The following NEBL variants were observed in gnomAD, a reference collection of about 807,000 sequenced individuals.
NEBL encodes LIM and SH3 protein 2.
A neutral mutation model predicts 140.2 loss-of-function variants in NEBL; 122 were observed. The observed-to-expected ratio is 0.87, with a 90% confidence interval of 0.75 to 1.01. NEBL has a LOEUF of 1.01. Ranked by LOEUF, NEBL falls within the 50% of genes least tolerant of loss-of-function variation. NEBL has a pLI of 0.00. For missense variants in NEBL, 1,365 were observed against 1,231.3 expected, an observed-to-expected ratio of 1.11 and a Z score of -1.62; for synonymous variants, 436 against 398.9, an observed-to-expected ratio of 1.09 and a Z score of -1.11.
At chr10:21,190,531 A>C (rs988583824) in intron 3 of NEBL, among the ~76,000 whole-genome samples, 1 of 152,168 alleles carries the variant, frequency 6.6e-6, no homozygotes, top group Non-Finnish European at 1.5e-5. Context: ...TACATCTCTG[A>C]GTAGTTAATA....
intron 13 of NEBL, 78 bp downstream of exon 13, chr10:20,840,661 G>T: frequency 1.0e-6 from 1 of 957,404 alleles, no homozygotes. Context: ...TAGATGTATA[G>T]AACCTTTGAG....
chr10:21,169,066 AAATATATATATATATATATATATAT>A (rs1434929181), intron 2 of NEBL, among the ~76,000 whole-genome samples: 3 of 50,940 alleles, frequency 5.9e-5, no homozygotes, highest in Admixed American at 4.8e-4. Flanking sequence ...AAAAAAAAAA[AAATATATATATATATATATATATAT>A]ATATATATAT....
chr10:21,088,284 T>C (rs1055714744), intron 2 of NEBL, among the ~76,000 whole-genome samples: 3 of 152,220 alleles, frequency 2.0e-5, no homozygotes, highest in Non-Finnish European at 4.4e-5. Context: ...GAGCATCACT[T>C]GAGCCCAGGA....
At chr10:21,251,262 A>G (rs1282850362) in intron 2 of NEBL, among the ~76,000 whole-genome samples, 2 of 152,192 alleles carry the variant, frequency 1.3e-5, no homozygotes, top group East Asian at 1.9e-4. Context: ...AATAAAAAAC[A>G]TAGCTTGTTC....
chr10:21,153,373 T>G (rs1467930189), intron 2 of NEBL, among the ~76,000 whole-genome samples: 1 of 144,124 alleles, frequency 6.9e-6, no homozygotes, highest in African/African-American at 2.6e-5. Flanking sequence ...CAGGCTGGAG[T>G]GCAATGGTGA....
At chr10:20,819,230 C>T in intron 20 of NEBL, 194 bp downstream of exon 20, 1 of 997,886 alleles carries the variant, frequency 1.0e-6, no homozygotes, top group East Asian at 2.9e-5. Context: ...CCTCTCCCGT[C>T]CAACAGGCTC....
rs113873684 is a variant in NEBL, at chr10:21,068,641, A to C, written c.165-48440T>G. On this transcript the variant is annotated intron_variant, in intron 2 of 6. Transcript: ENST00000417816. ...CGGACCCATGGGCTCTGGTCTTTTC[A>C]GCTGTCAGCTACTAAGCCAGTACAC... is the stretch of plus-strand genomic sequence containing the variant. Among the ~76,000 whole-genome samples, 170 of 152,316 alleles carry C rather than the reference A, an allele frequency of 1.1e-3. 1 individual carries two copies. Among genetic ancestry groups the C allele is most frequent in the African/African-American group, 3.4e-3 (143 of 41,570 alleles).
intron 2 of NEBL, among the ~76,000 whole-genome samples, chr10:21,119,500 CA>C (rs1564517707): frequency 6.7e-6 from 1 of 148,256 alleles, no homozygotes; most frequent in African/African-American, 2.5e-5. Context: ...CTGAATATAA[CA>C]TATATAGTTA....
At chr10:20,980,970 AAT>A (rs1190804610) in intron 3 of NEBL, among the ~76,000 whole-genome samples, 1 of 152,156 alleles carries the variant, frequency 6.6e-6, no homozygotes, top group South Asian at 2.1e-4. Flanking sequence ...CTTTTTAATC[AAT>A]AGAGATGGGG....
chr10:21,225,692 G>A (rs1250623525), intron 3 of NEBL, among the ~76,000 whole-genome samples: 1 of 152,128 alleles, frequency 6.6e-6, no homozygotes, highest in Non-Finnish European at 1.5e-5. Context: ...AGTACTGCCT[G>A]GCCACTGCCG....
intron 3 of NEBL, among the ~76,000 whole-genome samples, chr10:21,186,381 G>T (rs546409961): frequency 6.6e-6 from 1 of 151,902 alleles, no homozygotes; most frequent in Non-Finnish European, 1.5e-5. Context: ...CTAGGGAGGG[G>T]ACTAGGTCAT....
intron 2 of NEBL, among the ~76,000 whole-genome samples, chr10:21,162,485 C>T (rs1235729309): frequency 6.6e-6 from 1 of 152,192 alleles, no homozygotes; most frequent in East Asian, 1.9e-4. Flanking sequence ...ATGCTAACTC[C>T]ACATGGTTGG....
At position 20,782,984 on chromosome 10, in the gene NEBL, G is replaced by T. The variant is rs1835126937; in HGVS notation, c.*2763C>A. 1 of 152,584 alleles carries T rather than the reference G, an allele frequency of 6.6e-6. No homozygotes were observed. Among genetic ancestry groups the T allele is most frequent in the Non-Finnish European group, 1.5e-5 (1 of 68,024 alleles). 9.5% of individuals were successfully genotyped at this position (152,584 alleles called of 1,614,324 possible). On this transcript the variant is annotated 3_prime_UTR_variant, in exon 28 of 28. Coordinates refer to ENST00000377122, the MANE Select transcript of NEBL (RefSeq NM_006393.3). ...GTATCAAACTGTTCCTTGTGCTTCT[G>T]TCAGGCTTGAGAACACATCAAACTT... is the stretch of plus-strand genomic sequence containing the variant.
intron 3 of NEBL, among the ~76,000 whole-genome samples, chr10:20,995,844 C>A (rs1837645447): frequency 6.6e-6 from 1 of 152,090 alleles, no homozygotes; most frequent in African/African-American, 2.4e-5. Context: ...CCGCTCTGAG[C>A]TAGATGTTGT....
At chr10:21,065,098 T>C (rs1025072298) in intron 2 of NEBL, among the ~76,000 whole-genome samples, 1 of 152,110 alleles carries the variant, frequency 6.6e-6, no homozygotes, top group African/African-American at 2.4e-5. Flanking sequence ...ATTTTCTTCT[T>C]GATAGCATTG....
At chr10:21,062,655 C>G (rs1443861259) in intron 2 of NEBL, among the ~76,000 whole-genome samples, 1 of 151,972 alleles carries the variant, frequency 6.6e-6, no homozygotes, top group African/African-American at 2.4e-5. Context: ...CCACTGTATT[C>G]CAGCCTGGGT....
intron 2 of NEBL, among the ~76,000 whole-genome samples, chr10:21,021,457 T>C (rs1397558263): frequency 6.6e-6 from 1 of 152,216 alleles, no homozygotes; most frequent in Non-Finnish European, 1.5e-5. Context: ...CTGTGAAAAC[T>C]GCATGCTCTT....
chr10:21,254,668 C>T (rs993913229), intron 1 of NEBL, among the ~76,000 whole-genome samples: 25 of 152,142 alleles, frequency 1.6e-4, no homozygotes, highest in African/African-American at 9.6e-5. Flanking sequence ...AATTAACCAG[C>T]CCCTAGTTTA....
At chr10:21,223,787 A>G (rs1564545325) in intron 3 of NEBL, among the ~76,000 whole-genome samples, 4 of 152,210 alleles carry the variant, frequency 2.6e-5, no homozygotes, top group South Asian at 4.1e-4. Context: ...CTGATGATCA[A>G]TGATGTTGAG....
Sources: allele counts gnomAD v4.1 joint callset (sites outside exome capture counted in the v4.1 genomes callset), GRCh38; gene constraint gnomAD v4.1.1; transcripts MANE v1.5; gene names NCBI Gene and HGNC (gene_info 2026-07-23, HGNC 2026-07-21).